GARNL3: variants seen among roughly 807,000 people sequenced by gnomAD.
GARNL3 encodes GTPase-activating Rap/Ran-GAP domain-like protein 3.
GARNL3 carries 63 observed loss-of-function variants against 125.0 expected under a neutral mutation model. The ratio of observed to expected loss-of-function variants is 0.50; its 90% CI spans 0.41 to 0.62. The LOEUF (loss-of-function observed/expected upper bound fraction) is 0.62, where lower values mean the gene tolerates loss of function less well. Among genes scored for constraint, GARNL3 ranks in the 20% least tolerant of loss-of-function variants. GARNL3 has a pLI of 0.00. For synonymous variants in GARNL3, 439 were observed against 457.5 expected (o/e 0.96, Z 0.52); for missense variants, 994 against 1,244.0 (o/e 0.80, Z 3.02).
At chr9:127,330,644 G>A (rs900507769) in intron 7 of GARNL3, among the ~76,000 whole-genome samples, 12 of 152,170 alleles carry the variant, frequency 7.9e-5, no homozygotes, top group East Asian at 1.9e-4. Context: ...ATAGTGCTTC[G>A]AGGAGAATAA....
chr9:127,334,336 G>A (rs1003459459), intron 9 of GARNL3, among the ~76,000 whole-genome samples: 1 of 152,196 alleles, frequency 6.6e-6, no homozygotes, highest in Non-Finnish European at 1.5e-5. Context: ...TCAGGCAGCG[G>A]GTGTGAGGCC....
rs1169465447 is a variant in GARNL3, at chr9:127,365,092, CT to C, written c.2095-200del. 20 of 502,166 alleles carry C rather than the reference CT, an allele frequency of 4.0e-5. No homozygotes were observed. In the Middle Eastern group the frequency reaches 2.6e-3, roughly 66 times the overall value. The allele number at this position is 502,166 out of a possible 1,614,324, so 31.1% of individuals were successfully genotyped here. Reference sequence around the variant, plus strand: ...AGAAAGAATGGAGAGACTTTTCTTTCTTTTTTTTCTTTTCTTTTCTTTCTCA... The same window carrying C: ...AGAAAGAATGGAGAGACTTTTCTTTCTTTTTTTCTTTTCTTTTCTTTCTCA... On this transcript the variant is annotated intron_variant, in intron 21 of 27. Transcript: ENST00000373387.
chr9:127,237,797 A>G (rs2063139117), intron 1 of GARNL3, among the ~76,000 whole-genome samples: 1 of 152,240 alleles, frequency 6.6e-6, no homozygotes, highest in South Asian at 2.1e-4. Context: ...CACAAATGGA[A>G]GTAAGGACAT....
chr9:127,301,925 CTTTTTTTTTTTTTTTTTT>C (rs754780368), intron 2 of GARNL3, among the ~76,000 whole-genome samples: 2 of 45,396 alleles, frequency 4.4e-5, no homozygotes, highest in East Asian at 7.9e-4. Flanking sequence ...ATTGGGAGGA[CTTTTTTTTTTTTTTTTTT>C]TTTTTTTTTT....
intron 3 of GARNL3, among the ~76,000 whole-genome samples, chr9:127,312,502 G>A (rs996075924): frequency 1.3e-5 from 2 of 152,140 alleles, no homozygotes; most frequent in Non-Finnish European, 2.9e-5. Flanking sequence ...TTAAAGTGAA[G>A]GGCTCAAGTG....
chr9:127,315,616 G>C (rs2065220084), intron 4 of GARNL3, among the ~76,000 whole-genome samples: 1 of 151,556 alleles, frequency 6.6e-6, no homozygotes, highest in African/African-American at 2.4e-5. Context: ...ACTCCAGCCT[G>C]AGCAACAGAG....
chr9:127,368,511 G>T (rs966351726), intron 22 of GARNL3, among the ~76,000 whole-genome samples: 43 of 151,066 alleles, frequency 2.8e-4, no homozygotes, highest in African/African-American at 7.7e-4. Context: ...TGTATTTTTA[G>T]TTAGAGACGG....
In GARNL3 at chr9:127,385,291, C is replaced by T. The variant is rs1832486869; in HGVS notation, c.2388+146C>T. 1.1e-5 allele frequency: 6 copies of T among 538,452 alleles called. No homozygotes were observed. In the South Asian group the frequency reaches 1.4e-4, roughly 13 times the overall value. The allele number at this position is 538,452 out of a possible 1,614,324, so 33.4% of individuals were successfully genotyped here. On this transcript the variant is annotated intron_variant, in intron 24 of 27. Coordinates refer to ENST00000373387, the MANE Select transcript of GARNL3 (RefSeq NM_032293.5). This position sits in a 1 kb window ranked among gnomAD's most constrained non-coding sequence, Gnocchi z 4.1. ...CCAGCACGAGATGGAAAGCCTGAAACCAGACTGATCTGTTGGGTTTTCATG... is the reference window on the plus strand; with the variant it reads ...CCAGCACGAGATGGAAAGCCTGAAATCAGACTGATCTGTTGGGTTTTCATG...
At chr9:127,275,584 T>C (rs1310544546) in intron 1 of GARNL3, among the ~76,000 whole-genome samples, 1 of 152,198 alleles carries the variant, frequency 6.6e-6, no homozygotes, top group Non-Finnish European at 1.5e-5. Flanking sequence ...TTTGGCCCTG[T>C]TTGTTAAGGA....
At chr9:127,376,460 C>T (rs1458213200) in intron 22 of GARNL3, among the ~76,000 whole-genome samples, 1 of 152,030 alleles carries the variant, frequency 6.6e-6, no homozygotes, top group Non-Finnish European at 1.5e-5. Context: ...CCTAGTGATC[C>T]GCCCGCCTCG....
At chr9:127,309,297 T>A (rs2131454536) in intron 2 of GARNL3, among the ~76,000 whole-genome samples, 1 of 152,326 alleles carries the variant, frequency 6.6e-6, no homozygotes, top group Non-Finnish European at 1.5e-5. Flanking sequence ...ACTCTCTCAG[T>A]CTCAATTTCC....
chr9:127,311,044 A>G (rs2065082020), intron 2 of GARNL3, among the ~76,000 whole-genome samples: 1 of 152,138 alleles, frequency 6.6e-6, no homozygotes, highest in Admixed American at 6.5e-5. Context: ...TTTATTTACA[A>G]TAACAAAAAT....
intron 16 of GARNL3, among the ~76,000 whole-genome samples, chr9:127,346,612 T>C (rs1049568750): frequency 7.2e-5 from 11 of 152,206 alleles, no homozygotes; most frequent in Admixed American, 1.3e-4. Context: ...AACAGAAGTC[T>C]GTGGAACCAT....
At chr9:127,230,607 C>G (rs568733485) in intron 1 of GARNL3, among the ~76,000 whole-genome samples, 1 of 150,940 alleles carries the variant, frequency 6.6e-6, no homozygotes, top group Non-Finnish European at 1.5e-5. Flanking sequence ...GAGCCAAGAT[C>G]GCACCATTGC....
chr9:127,333,288 C>A (rs1291910463), intron 9 of GARNL3, among the ~76,000 whole-genome samples, 167 bp downstream of exon 9: 2 of 152,174 alleles, frequency 1.3e-5, no homozygotes, highest in South Asian at 4.1e-4. Flanking sequence ...ACCTGTTTGG[C>A]ATTTCCATTG....
At chr9:127,270,854 A>G (rs1168218996) in intron 1 of GARNL3, among the ~76,000 whole-genome samples, 2 of 152,036 alleles carry the variant, frequency 1.3e-5, no homozygotes, top group African/African-American at 4.8e-5. Context: ...CCCAGTCCCC[A>G]TGGTTTACAT....
intron 1 of GARNL3, among the ~76,000 whole-genome samples, chr9:127,228,976 C>A (rs1210360506): frequency 6.6e-6 from 1 of 152,130 alleles, no homozygotes; most frequent in Non-Finnish European, 1.5e-5. Context: ...CGCATGCCAC[C>A]ACACTCGGCT....
chr9:127,273,304 C>T (rs1190631628), intron 1 of GARNL3, among the ~76,000 whole-genome samples: 1 of 152,048 alleles, frequency 6.6e-6, no homozygotes, highest in East Asian at 1.9e-4. Flanking sequence ...CTCTTAAAGC[C>T]CTGCTGTGTA....
chr9:127,279,285 C>A (rs1400449677), intron 1 of GARNL3, among the ~76,000 whole-genome samples: 4 of 151,934 alleles, frequency 2.6e-5, no homozygotes, highest in African/African-American at 9.7e-5. Context: ...AAACATTGCA[C>A]CTCTGGGATT....
Sources: gnomAD v4.1 joint callset for allele counts (sites outside exome capture counted in the v4.1 genomes callset) on GRCh38, gnomAD v4.1.1 for gene constraint, Gnocchi (gnomAD v3.1) non-coding constraint, MANE v1.5 for transcripts, NCBI Gene and HGNC (gene_info 2026-07-23, HGNC 2026-07-21) for gene names.